FGF12: variants seen among roughly 807,000 people sequenced by gnomAD.
FGF12 encodes the protein fibroblast growth factor 12, also known as fibroblast growth factor 12B.
In FGF12, 14 loss-of-function variants were observed where a neutral mutation model predicts 23.6. The observed-to-expected ratio is 0.59, with a 90% confidence interval of 0.39 to 0.93. The LOEUF is 0.93. Among genes scored for constraint, FGF12 ranks in the 40% least tolerant of loss-of-function variants. The pLI is 0.00. For synonymous variants in FGF12, 62 were observed against 77.3 expected, an observed-to-expected ratio of 0.80 and a Z score of 1.04; for missense variants, 175 against 217.8, an observed-to-expected ratio of 0.80 and a Z score of 1.24.
At chr3:192,292,168 C>CAACTTTCTAA (rs1714791570) in intron 4 of FGF12, among the ~76,000 whole-genome samples, 2 of 152,100 alleles carry the variant, frequency 1.3e-5, no homozygotes, top group Non-Finnish European at 1.5e-5. Context: ...GTGTTATAAG[C>CAACTTTCTAA]GACTTTCTAA....
At chr3:192,228,257 TA>T (rs1330712990) in intron 4 of FGF12, among the ~76,000 whole-genome samples, 2 of 152,046 alleles carry the variant, frequency 1.3e-5, no homozygotes, top group Admixed American at 6.6e-5. Context: ...TCCATACATA[TA>T]AAAAATTATT....
At chr3:192,682,283 A>T (rs1233347319) in intron 2 of FGF12, among the ~76,000 whole-genome samples, 1 of 152,158 alleles carries the variant, frequency 6.6e-6, no homozygotes, top group East Asian at 1.9e-4. Context: ...GCTGGTGCAC[A>T]CACAGTCATG....
chr3:192,727,202 C>T lies in FGF12; in HGVS notation c.-9G>A, dbSNP rs1368662014. ...ATACCTTTGCTCTCCATTTCGGTCCCTTTCGAGTGCTGGGAAGTTCAATGG... is the reference window on the plus strand; with the variant it reads ...ATACCTTTGCTCTCCATTTCGGTCCTTTTCGAGTGCTGGGAAGTTCAATGG... On this transcript the variant is annotated 5_prime_UTR_variant, in exon 2 of 6. Transcript: ENST00000445105. 1 of 1,578,472 alleles carries T rather than the reference C, an allele frequency of 6.3e-7. No individual in the cohort carries two copies. Among genetic ancestry groups the T allele is most frequent in the East Asian group, 2.3e-5 (1 of 43,052 alleles).
At chr3:192,555,882 C>A (rs1388022443) in intron 2 of FGF12, among the ~76,000 whole-genome samples, 1 of 151,644 alleles carries the variant, frequency 6.6e-6, no homozygotes, top group Non-Finnish European at 1.5e-5. Context: ...GGCACTGATA[C>A]CATGGGGAGG....
chr3:192,216,955 CTT>C (rs1481014905), intron 4 of FGF12, among the ~76,000 whole-genome samples: 1 of 152,142 alleles, frequency 6.6e-6, no homozygotes, highest in Non-Finnish European at 1.5e-5. Context: ...AATCAGGAAA[CTT>C]GATGTTTCTA....
intron 4 of FGF12, among the ~76,000 whole-genome samples, chr3:192,198,202 A>T (rs956637330): frequency 7.2e-5 from 11 of 152,184 alleles, no homozygotes; most frequent in Non-Finnish European, 1.6e-4. Flanking sequence ...AATGAATCAC[A>T]TAAATAGGAT....
intron 4 of FGF12, among the ~76,000 whole-genome samples, chr3:192,308,041 T>C (rs978020870): frequency 2.6e-5 from 4 of 152,190 alleles, no homozygotes; most frequent in African/African-American, 9.7e-5. Flanking sequence ...AAGAAATGAA[T>C]TTTTACTATA....
At chr3:192,257,379 T>C (rs1019218439) in intron 4 of FGF12, among the ~76,000 whole-genome samples, 3 of 152,170 alleles carry the variant, frequency 2.0e-5, no homozygotes, top group African/African-American at 7.2e-5. Context: ...ATGATCTCTA[T>C]ATCAACATCA....
chr3:192,463,631 C>T (rs569912911), intron 2 of FGF12, among the ~76,000 whole-genome samples: 12 of 152,010 alleles, frequency 7.9e-5, no homozygotes, highest in Admixed American at 2.6e-4. Context: ...AAAAACCACC[C>T]GACACCTTCC....
chr3:192,377,129 A>G (rs530769615), intron 2 of FGF12, among the ~76,000 whole-genome samples: 1 of 152,322 alleles, frequency 6.6e-6, no homozygotes, highest in Non-Finnish European at 1.5e-5. Context: ...CCATTGCCCT[A>G]GGTGGACACA....
chr3:192,450,140 A>G (rs1456496719), intron 2 of FGF12, among the ~76,000 whole-genome samples: 2 of 152,194 alleles, frequency 1.3e-5, no homozygotes, highest in Non-Finnish European at 2.9e-5. Context: ...TTCTAAATCT[A>G]AAAATCCCAT....
intron 4 of FGF12, among the ~76,000 whole-genome samples, chr3:192,194,356 C>T (rs1716954133): frequency 6.6e-6 from 1 of 152,110 alleles, no homozygotes; most frequent in South Asian, 2.1e-4. Flanking sequence ...CAGGTGGTAA[C>T]TAAAATCATT....
At chr3:192,694,261 G>T (rs1165123106) in intron 2 of FGF12, among the ~76,000 whole-genome samples, 1 of 152,148 alleles carries the variant, frequency 6.6e-6, no homozygotes, top group African/African-American at 2.4e-5. Flanking sequence ...GGCAAGGGTG[G>T]TGAGAAAGGA....
intron 2 of FGF12, among the ~76,000 whole-genome samples, chr3:192,601,089 T>C (rs1714097054): frequency 6.6e-6 from 1 of 151,958 alleles, no homozygotes; most frequent in African/African-American, 2.4e-5. Flanking sequence ...ACATATGATA[T>C]AAATACACAA....
chr3:192,629,105 A>G (rs953109175), intron 2 of FGF12, among the ~76,000 whole-genome samples: 3 of 152,210 alleles, frequency 2.0e-5, no homozygotes, highest in African/African-American at 7.2e-5. Context: ...ATGACTGACT[A>G]TGAGGTTTAG....
chr3:192,471,337 T>A (rs1390202897), intron 2 of FGF12, among the ~76,000 whole-genome samples: 1 of 152,232 alleles, frequency 6.6e-6, no homozygotes, highest in African/African-American at 2.4e-5. Context: ...AATTACTTTT[T>A]AACATTTCTC....
At chr3:192,249,160 T>G (rs1458985365) in intron 4 of FGF12, among the ~76,000 whole-genome samples, 1 of 152,162 alleles carries the variant, frequency 6.6e-6, no homozygotes, top group Non-Finnish European at 1.5e-5. Flanking sequence ...AGGAAAGGTA[T>G]GTGATATAAC....
chr3:192,270,077 C>A (rs1297908029), intron 4 of FGF12, among the ~76,000 whole-genome samples: 5 of 152,202 alleles, frequency 3.3e-5, no homozygotes, highest in Non-Finnish European at 7.3e-5. Context: ...CCACATCCTC[C>A]TGCATTCTGA....
intron 2 of FGF12, among the ~76,000 whole-genome samples, chr3:192,703,479 G>C (rs143809841): frequency 6.1e-4 from 93 of 152,202 alleles, no homozygotes; most frequent in Non-Finnish European, 7.4e-4. Context: ...AGTTGCTGAA[G>C]ATTGGGATGG....
Sources: allele counts gnomAD v4.1 joint callset (sites outside exome capture counted in the v4.1 genomes callset), GRCh38; gene constraint gnomAD v4.1.1; transcripts MANE v1.5; gene names NCBI Gene and HGNC (gene_info 2026-07-23, HGNC 2026-07-21).